The following CSMD1 variants were observed in gnomAD, a reference collection of about 807,000 sequenced individuals.
The protein encoded by CSMD1 is CUB and sushi domain-containing protein 1.
CSMD1 carries 213 observed loss-of-function variants against 417.5 expected under a neutral mutation model. The ratio of observed to expected loss-of-function variants is 0.51; its 90% CI spans 0.46 to 0.57. The LOEUF (loss-of-function observed/expected upper bound fraction) is 0.57, where lower values mean the gene tolerates loss of function less well. Ranked by LOEUF, CSMD1 falls within the 20% of genes least tolerant of loss-of-function variation. The pLI is 0.00. For missense variants in CSMD1, 6,923 were observed against 4,529.7 expected, an observed-to-expected ratio of 1.53 and a Z score of -15.17; for synonymous variants, 2,862 against 1,736.8, an observed-to-expected ratio of 1.65 and a Z score of -16.11.
At chr8:3,711,378 T>C (rs1165071377) in intron 6 of CSMD1, among the ~76,000 whole-genome samples, 2 of 152,116 alleles carry the variant, frequency 1.3e-5, no homozygotes, top group East Asian at 3.9e-4. Context: ...AGGGTGGCTG[T>C]TCATCTTCAG....
At chr8:3,314,243 G>T (rs1053460817) in intron 23 of CSMD1, among the ~76,000 whole-genome samples, 1 of 151,522 alleles carries the variant, frequency 6.6e-6, no homozygotes, top group African/African-American at 2.4e-5. Context: ...AAAACTTAAA[G>T]TATAATAAAA....
intron 10 of CSMD1, among the ~76,000 whole-genome samples, chr8:3,564,125 A>T (rs968675849): frequency 6.6e-6 from 1 of 152,206 alleles, no homozygotes; most frequent in East Asian, 1.9e-4. Context: ...CACTTCAAAC[A>T]TGTATCTTTC....
At chr8:4,017,575 G>A (rs780181163) in intron 4 of CSMD1, among the ~76,000 whole-genome samples, 6 of 152,088 alleles carry the variant, frequency 3.9e-5, no homozygotes, top group Non-Finnish European at 7.4e-5. Context: ...CAAAGTGCTG[G>A]AATTACAGGC....
intron 12 of CSMD1, among the ~76,000 whole-genome samples, chr8:3,455,579 C>A (rs557356983): frequency 1.3e-5 from 2 of 152,212 alleles, no homozygotes; most frequent in African/African-American, 4.8e-5. Context: ...GAGGTCCACT[C>A]CAGACCTTGT....
intron 5 of CSMD1, among the ~76,000 whole-genome samples, chr8:3,785,961 G>C (rs1157126622): frequency 6.6e-6 from 1 of 152,194 alleles, no homozygotes; most frequent in Non-Finnish European, 1.5e-5. Flanking sequence ...TGGGTTAGAA[G>C]CTCTGCAGTT....
At chr8:3,588,359 T>G (rs1051156777) in intron 8 of CSMD1, among the ~76,000 whole-genome samples, 3 of 151,814 alleles carry the variant, frequency 2.0e-5, no homozygotes, top group Admixed American at 1.3e-4. Flanking sequence ...AGAAAATAAA[T>G]AAAATGACAT....
chr8:4,743,895 C>T (rs1447355533), intron 1 of CSMD1, among the ~76,000 whole-genome samples: 1 of 152,174 alleles, frequency 6.6e-6, no homozygotes, highest in African/African-American at 2.4e-5. Flanking sequence ...TCCCTATATC[C>T]AGCCAAGCCG....
At chr8:4,389,480 C>T (rs1187918422) in intron 3 of CSMD1, among the ~76,000 whole-genome samples, 2 of 151,736 alleles carry the variant, frequency 1.3e-5, no homozygotes. Flanking sequence ...GCTTTTTTTT[C>T]TCAGAAATGT....
At chr8:3,249,436 C>G (rs879923084) in intron 26 of CSMD1, among the ~76,000 whole-genome samples, 1 of 152,168 alleles carries the variant, frequency 6.6e-6, no homozygotes. Flanking sequence ...GTTGGCCAGG[C>G]TGGCCTTGAA....
At chr8:4,827,455 C>G (rs1377503638) in intron 1 of CSMD1, among the ~76,000 whole-genome samples, 1 of 152,120 alleles carries the variant, frequency 6.6e-6, no homozygotes, top group Non-Finnish European at 1.5e-5. Context: ...GCAGAAACCT[C>G]TTCAGCAAGT....
In CSMD1 at chr8:3,710,215, A is replaced by G. The variant is rs189310253; in HGVS notation, c.932-1724T>C. 7.2e-4 allele frequency among the ~76,000 whole-genome samples: 109 copies of G among 152,222 alleles called. 1 individual carries two copies. Among genetic ancestry groups the G allele is most frequent in the African/African-American group, 2.5e-3 (103 of 41,514 alleles). On this transcript the variant is annotated intron_variant, in intron 6 of 69. Coordinates refer to ENST00000635120, the MANE Select transcript of CSMD1 (RefSeq NM_033225.6). ...AAATTTCCAAAAAATGCTTCTATAC[A>G]TTCATTGAACAGAGTCTAAAAATAA...
At chr8:4,967,572 TTAAC>T (rs1809962187) in intron 1 of CSMD1, among the ~76,000 whole-genome samples, 1 of 152,166 alleles carries the variant, frequency 6.6e-6, no homozygotes, top group Non-Finnish European at 1.5e-5. Context: ...GAAATTCTTA[TTAAC>T]TATTTTTAAT....
intron 5 of CSMD1, among the ~76,000 whole-genome samples, chr8:3,780,692 A>C (rs545512079): frequency 8.5e-5 from 13 of 152,328 alleles, no homozygotes; most frequent in South Asian, 8.3e-4. Flanking sequence ...TGTCGGCAGA[A>C]AGAGCCCAGC....
At chr8:3,813,311 A>C (rs1302247353) in intron 5 of CSMD1, among the ~76,000 whole-genome samples, 6 of 152,164 alleles carry the variant, frequency 3.9e-5, no homozygotes. Context: ...AATATCTGCT[A>C]AGATATCATA....
chr8:3,591,993 G>T (rs1048976316), intron 8 of CSMD1, among the ~76,000 whole-genome samples: 2 of 152,024 alleles, frequency 1.3e-5, no homozygotes, highest in Admixed American at 1.3e-4. Context: ...ATAGATAAAA[G>T]ACGGATGGAT....
chr8:3,478,194 T>C (rs1335105044), intron 11 of CSMD1, among the ~76,000 whole-genome samples: 1 of 152,228 alleles, frequency 6.6e-6, no homozygotes, highest in Non-Finnish European at 1.5e-5. Flanking sequence ...TGACTTAACA[T>C]CAATCATTTA....
chr8:3,369,268 A>G lies in CSMD1; in HGVS notation c.2885T>C (p.Val962Ala), dbSNP rs1328462732. ...NSLNCTWTIE[V>A]SHGKGVQMIF... ...TAGATTCTTACCTTTCCCATGAGAC[A>G]CTTCAATGGTCCACGTGCAGTTTAG... Residue 962 changes from valine to alanine, a missense_variant, in exon 19 of 70, where the codon GTG becomes GCG. Coordinates refer to ENST00000635120, the MANE Select transcript of CSMD1 (RefSeq NM_033225.6). 15 of 1,550,614 alleles carry G rather than the reference A, an allele frequency of 9.7e-6. No homozygotes were observed. The highest frequency in any genetic ancestry group is 1.3e-5 in the Non-Finnish European group (15 of 1,122,912).
intron 10 of CSMD1, among the ~76,000 whole-genome samples, chr8:3,551,811 C>T (rs118187716): frequency 0.03 from 4,613 of 152,100 alleles, 98 homozygotes; most frequent in Non-Finnish European, 0.046. Context: ...GTGTGACATG[C>T]AGTACCTGCA....
chr8:3,705,430 C>A (rs1444156669), intron 7 of CSMD1, among the ~76,000 whole-genome samples: 1 of 152,166 alleles, frequency 6.6e-6, no homozygotes, highest in African/African-American at 2.4e-5. Flanking sequence ...TTTGGTGAAG[C>A]CAGCACTGGA....
Sources: allele counts gnomAD v4.1 joint callset (sites outside exome capture counted in the v4.1 genomes callset), GRCh38; gene constraint gnomAD v4.1.1; transcripts MANE v1.5; gene names NCBI Gene and HGNC (gene_info 2026-07-23, HGNC 2026-07-21).